PKHD1: variants seen among roughly 807,000 people sequenced by gnomAD.
PKHD1 encodes the protein PKHD1 ciliary IPT domain containing fibrocystin/polyductin, also known as fibrocystin.
A neutral mutation model predicts 412.0 loss-of-function variants in PKHD1; 291 were observed. The ratio of observed to expected loss-of-function variants is 0.71; its 90% CI spans 0.64 to 0.78. The LOEUF is 0.78. PKHD1 is among the 30% of genes least tolerant of loss of function. The pLI, the probability that PKHD1 is intolerant of heterozygous loss-of-function variation, is 0.00. For synonymous variants in PKHD1, 1,777 were observed against 1,821.5 expected (o/e 0.98, Z 0.62); for missense variants, 4,825 against 4,950.7 (o/e 0.97, Z 0.76).
chr6:51,913,759 T>C (rs2127673121), intron 37 of PKHD1, among the ~76,000 whole-genome samples: 1 of 152,290 alleles, frequency 6.6e-6, no homozygotes, highest in Middle Eastern at 3.4e-3. Context: ...TAAGCACTTG[T>C]ACCAATAATG....
chr6:52,087,563 C>T lies in PKHD1; in HGVS notation c.-214G>A, dbSNP rs886061625. Reference sequence around the variant, plus strand: ...GTTAGAGCTCAGCCTGCAGCCACCACGCAGGTAACTCACTCACGTTAGACT... The same window carrying T: ...GTTAGAGCTCAGCCTGCAGCCACCATGCAGGTAACTCACTCACGTTAGACT... On this transcript the variant is annotated 5_prime_UTR_variant, in exon 1 of 67. In the 5' UTR this introduces an upstream ATG that the reference lacks. Transcript: ENST00000371117. 1.1e-4 allele frequency: 16 copies of T among 152,204 alleles called. No individual in the cohort carries two copies. In the East Asian group the frequency reaches 2.7e-3, roughly 26 times the overall value. 9.4% of individuals were successfully genotyped at this position (152,204 alleles called of 1,614,324 possible).
At chr6:51,714,258 T>C (rs879273533) in intron 60 of PKHD1, among the ~76,000 whole-genome samples, 8 of 152,160 alleles carry the variant, frequency 5.3e-5, no homozygotes, top group African/African-American at 1.7e-4. Flanking sequence ...TAGTTCCACC[T>C]ACTCGGGAGG....
chr6:51,675,202 G>A (rs905857046), intron 60 of PKHD1, among the ~76,000 whole-genome samples: 2 of 152,164 alleles, frequency 1.3e-5, no homozygotes, highest in South Asian at 4.1e-4. Flanking sequence ...GAGGGTGACA[G>A]ACTTCAGAGC....
chr6:51,999,798 A>C (rs1798133990), intron 35 of PKHD1, among the ~76,000 whole-genome samples: 1 of 152,208 alleles, frequency 6.6e-6, no homozygotes, highest in African/African-American at 2.4e-5. Context: ...CAAAATAAAA[A>C]ATGTTTAACA....
intron 60 of PKHD1, among the ~76,000 whole-genome samples, chr6:51,711,299 C>G (rs1316197448): frequency 6.6e-6 from 1 of 152,138 alleles, no homozygotes; most frequent in Non-Finnish European, 1.5e-5. Flanking sequence ...CTAATGCAGT[C>G]CCCCACTCCT....
rs752458195 is a variant in PKHD1, at chr6:52,079,997, G to T, written c.293C>A (p.Ser98Tyr). ...VVTCRTRSVL[S>Y]EAHEGLYFLE... ...GAAGTACAGACCCTCATGTGCTTCA[G>T]ACAGCACAGATCTGAGGACAGAAAG... Residue 98 changes from serine to tyrosine, a missense_variant, in exon 5 of 67, where the codon TCT becomes TAT. Physicochemically the swap from Ser to Tyr is moderately radical, Grantham distance 144. Coordinates refer to ENST00000371117, the MANE Select transcript of PKHD1 (RefSeq NM_138694.4). 1.3e-6 allele frequency: 2 copies of T among 1,590,062 alleles called. No homozygotes were observed. Among genetic ancestry groups the T allele is most frequent in the Non-Finnish European group, 1.7e-6 (2 of 1,158,244 alleles).
chr6:51,842,338 G>C (rs891035262), intron 50 of PKHD1, among the ~76,000 whole-genome samples: 5 of 152,154 alleles, frequency 3.3e-5, no homozygotes, highest in African/African-American at 7.2e-5. Flanking sequence ...TGCTGGTCGG[G>C]AGGGGGATCA....
chr6:51,971,709 TTTTGTTTTG>T (rs1793694960), intron 35 of PKHD1, among the ~76,000 whole-genome samples: 1 of 12,874 alleles, frequency 7.8e-5, no homozygotes, highest in East Asian at 1.0e-3. Flanking sequence ...TTTTTTTGCT[TTTTGTTTTG>T]TTTTGTTTTG....
At chr6:51,782,350 C>G (rs1792168743) in intron 53 of PKHD1, among the ~76,000 whole-genome samples, 1 of 152,042 alleles carries the variant, frequency 6.6e-6, no homozygotes. Context: ...ATAAACAGAT[C>G]TTTCTATTCT....
At chr6:51,813,813 G>A (rs1276932249) in intron 52 of PKHD1, among the ~76,000 whole-genome samples, 1 of 152,070 alleles carries the variant, frequency 6.6e-6, no homozygotes, top group Non-Finnish European at 1.5e-5. Flanking sequence ...ACTAAGCATG[G>A]GGTGGCAAAA....
At chr6:51,964,752 T>C (rs1407286629) in intron 35 of PKHD1, among the ~76,000 whole-genome samples, 1 of 152,154 alleles carries the variant, frequency 6.6e-6, no homozygotes, top group Non-Finnish European at 1.5e-5. Flanking sequence ...CTTCTTTACA[T>C]TGAAATGTTT....
intron 60 of PKHD1, among the ~76,000 whole-genome samples, chr6:51,691,993 C>T (rs1458020823): frequency 2.0e-5 from 3 of 152,104 alleles, no homozygotes; most frequent in African/African-American, 7.2e-5. Context: ...CTTGTCTCTC[C>T]AGTCAAACCT....
intron 52 of PKHD1, among the ~76,000 whole-genome samples, chr6:51,821,667 TCTA>T (rs1766447881): frequency 6.6e-6 from 1 of 152,236 alleles, no homozygotes; most frequent in African/African-American, 2.4e-5. Context: ...TTTGTAATAC[TCTA>T]CTTTTAGGAA....
intron 36 of PKHD1, among the ~76,000 whole-genome samples, chr6:51,955,663 C>G (rs1187428887): frequency 6.6e-6 from 1 of 151,944 alleles, no homozygotes; most frequent in Non-Finnish European, 1.5e-5. Context: ...AAATGTAGTT[C>G]TTAGGTGATC....
chr6:52,017,301 T>C, intron 34 of PKHD1, 109 bp downstream of exon 34: 1 of 823,674 alleles, frequency 1.2e-6, no homozygotes, highest in Admixed American at 1.8e-5. Flanking sequence ...TTGTAGCCCT[T>C]ACCACGGCTG....
intron 51 of PKHD1, 73 bp downstream of exon 51, chr6:51,836,331 A>G (rs1238348134): frequency 5.2e-6 from 5 of 960,222 alleles, no homozygotes; most frequent in African/African-American, 1.6e-5. Context: ...CAGTATGACA[A>G]GGTGGAATTT....
intron 35 of PKHD1, chr6:51,975,963 T>TAAAAAAAAAAAA (rs66774242): frequency 1.4e-4 from 10 of 69,772 alleles, no homozygotes; most frequent in Non-Finnish European, 1.6e-4. Flanking sequence ...TTTCTCTAAT[T>TAAAAAAAAAAAA]AAAAAAAAAA....
In PKHD1 at chr6:51,883,142, G is replaced by T. The variant is rs753450358; in HGVS notation, c.7301C>A (p.Ala2434Glu). The change falls in exon 46 of 67, where the codon GCA (alanine) becomes GAA (glutamate). Residue 2434 changes from alanine (A) to glutamate (E), a missense_variant. By Grantham distance (107) the Ala-to-Glu change is moderately radical (BLOSUM62 -1). Coordinates refer to ENST00000371117, the MANE Select transcript of PKHD1 (RefSeq NM_138694.4). ...TAAGCTGTCAGTAACTGAAGTATTT[G>T]CATCACTTTCCAAGACGTCAATTCC... ...DFGIDVLESD[A>E]NTSVTDSLLL... is the part of the protein sequence containing the mutation. 8 of 1,612,056 alleles carry T rather than the reference G, an allele frequency of 5.0e-6. No homozygotes were observed. Among genetic ancestry groups the T allele is most frequent in the Non-Finnish European group, 6.8e-6 (8 of 1,178,356 alleles).
rs1276759980 is a variant in PKHD1, at chr6:52,084,874, C to G, written c.52+8G>C. The stretch of plus-strand genomic sequence containing the variant: ...ACCTATAATTCCTTCAAAACACATT[C>G]TACTGACCTGCCAAAAGTAGTACTT... On this transcript the variant is annotated splice_region_variant and intron_variant, in intron 2 of 66. Coordinates refer to ENST00000371117, the MANE Select transcript of PKHD1 (RefSeq NM_138694.4). 1 of 1,571,582 alleles carries G rather than the reference C, an allele frequency of 6.4e-7. No homozygotes were observed. Among genetic ancestry groups the G allele is most frequent in the Non-Finnish European group, 8.8e-7 (1 of 1,141,410 alleles).
Sources: gnomAD v4.1 joint callset for allele counts (sites outside exome capture counted in the v4.1 genomes callset) on GRCh38, gnomAD v4.1.1 for gene constraint, MANE v1.5 for transcripts, NCBI Gene and HGNC (gene_info 2026-07-23, HGNC 2026-07-21) for gene names.